FHIT: variants seen among roughly 807,000 people sequenced by gnomAD.
FHIT encodes the protein bis(5'-adenosyl)-triphosphatase.
Under a neutral mutation model 17.9 loss-of-function variants are expected in FHIT, and 19 were observed. The ratio of observed to expected loss-of-function variants is 1.06; its 90% CI spans 0.74 to 1.56. FHIT has a LOEUF of 1.56. FHIT is among the 40% of genes most tolerant of loss of function. The pLI is 0.00. For missense variants in FHIT, 248 were observed against 189.2 expected (o/e 1.31, Z -1.82); for synonymous variants, 81 against 69.7 (o/e 1.16, Z -0.81).
chr3:59,968,561 A>G (rs1708037332), intron 7 of FHIT, among the ~76,000 whole-genome samples: 1 of 152,156 alleles, frequency 6.6e-6, no homozygotes, highest in African/African-American at 2.4e-5. Flanking sequence ...AAAATCAGAT[A>G]CCAGCAGTTC....
chr3:61,216,510 T>A (rs369682190), intron 1 of FHIT, among the ~76,000 whole-genome samples: 8 of 151,934 alleles, frequency 5.3e-5, no homozygotes, highest in African/African-American at 1.9e-4. Flanking sequence ...GCTGGAAAGG[T>A]TGTGGAGAAA....
intron 5 of FHIT, among the ~76,000 whole-genome samples, chr3:60,328,109 T>A (rs562783420): frequency 6.6e-6 from 1 of 152,322 alleles, no homozygotes; most frequent in East Asian, 1.9e-4. Flanking sequence ...CTAGCCACCA[T>A]GCTTGTCAAT....
chr3:61,215,624 C>T (rs2039648984), intron 1 of FHIT, among the ~76,000 whole-genome samples: 1 of 152,146 alleles, frequency 6.6e-6, no homozygotes. Context: ...TGACTTTCTT[C>T]ACAGAATTGG....
In FHIT at chr3:60,011,418, C is replaced by G. The variant is rs370197096; in HGVS notation, c.250-18G>C. ...GGGCCATCCTAGAAGTAGGAAAAAA[C>G]CAACAGAGGTGAGAATAGATAGATG... On this transcript the variant is annotated intron_variant, in intron 6 of 9. Coordinates refer to ENST00000492590, the MANE Select transcript of FHIT (RefSeq NM_002012.4). 12 of 1,611,402 alleles carry G rather than the reference C, an allele frequency of 7.4e-6. No individual in the cohort carries two copies. Among genetic ancestry groups the G allele is most frequent in the Non-Finnish European group, 1.0e-5 (12 of 1,177,644 alleles).
intron 3 of FHIT, among the ~76,000 whole-genome samples, chr3:60,949,226 A>C (rs561025604): frequency 5.9e-5 from 9 of 152,154 alleles, no homozygotes; most frequent in Admixed American, 3.3e-4. Context: ...TACCACACCA[A>C]TGGTGGCAGG....
chr3:60,116,866 G>A (rs865865390), intron 5 of FHIT, among the ~76,000 whole-genome samples: 10 of 140,244 alleles, frequency 7.1e-5, no homozygotes, highest in Middle Eastern at 3.8e-3. Flanking sequence ...AAATTAAGGG[G>A]AGTAACAAAA....
intron 5 of FHIT, among the ~76,000 whole-genome samples, chr3:60,345,765 C>T (rs550353927): frequency 2.6e-5 from 4 of 152,216 alleles, no homozygotes; most frequent in Non-Finnish European, 5.9e-5. Context: ...TAAGACCTAC[C>T]ATTATTTTAT....
chr3:60,983,158 TG>T (rs1710567230), intron 3 of FHIT, among the ~76,000 whole-genome samples: 1 of 152,084 alleles, frequency 6.6e-6, no homozygotes, highest in African/African-American at 2.4e-5. Context: ...TGTGTGTGTG[TG>T]TGTGTAATGC....
At chr3:60,386,744 C>A (rs1701026010) in intron 5 of FHIT, among the ~76,000 whole-genome samples, 1 of 152,172 alleles carries the variant, frequency 6.6e-6, no homozygotes, top group South Asian at 2.1e-4. Context: ...ACAAAGAAAC[C>A]AACCTACACT....
At chr3:60,043,337 T>C (rs951792499) in intron 5 of FHIT, among the ~76,000 whole-genome samples, 12 of 152,260 alleles carry the variant, frequency 7.9e-5, no homozygotes, top group Admixed American at 5.9e-4. Context: ...TCTTCTTGCC[T>C]GGTTGGAGAT....
At chr3:61,211,136 G>A (rs1187324447) in intron 1 of FHIT, among the ~76,000 whole-genome samples, 1 of 151,878 alleles carries the variant, frequency 6.6e-6, no homozygotes, top group East Asian at 2.0e-4. Flanking sequence ...TCACTAGGGA[G>A]TGCCAGACAG....
chr3:60,764,431 T>C (rs1699777967), intron 4 of FHIT, among the ~76,000 whole-genome samples: 1 of 151,798 alleles, frequency 6.6e-6, no homozygotes, highest in Non-Finnish European at 1.5e-5. Context: ...GGTGGGGAGG[T>C]GGATGAACTG....
intron 4 of FHIT, among the ~76,000 whole-genome samples, chr3:60,660,729 C>CTTTTTGTTTTTTTTTTTTTTTTTTTTT (rs2040222572): frequency 2.7e-5 from 1 of 37,278 alleles, no homozygotes; most frequent in Non-Finnish European, 5.5e-5. Context: ...TTATTGTGCT[C>CTTTTTGTTTTTTTTTTTTTTTTTTTTT]TTTTTTTTTT....
intron 3 of FHIT, among the ~76,000 whole-genome samples, chr3:60,995,461 G>A (rs890955978): frequency 1.3e-5 from 2 of 152,160 alleles, no homozygotes; most frequent in African/African-American, 4.8e-5. Context: ...CAGTTGAGCT[G>A]CCAAAGATGA....
At chr3:60,378,217 G>A (rs1576566293) in intron 5 of FHIT, among the ~76,000 whole-genome samples, 1 of 151,884 alleles carries the variant, frequency 6.6e-6, no homozygotes, top group East Asian at 2.0e-4. Context: ...TAGTAGAGAC[G>A]GGGTTTCACC....
chr3:59,948,530 TAAAAAA>T lies in FHIT; in HGVS notation c.280-26122_280-26117del, dbSNP rs199516436. Reference sequence around the variant, plus strand: ...AGATTCTGTCTAAAAAAAATAAAAATAAAAAAAAATAAATAAATAAAAAATAAATAA... The same window carrying T: ...AGATTCTGTCTAAAAAAAATAAAAATAAATAAATAAATAAAAAATAAATAA... On this transcript the variant is annotated intron_variant, in intron 7 of 9. Coordinates refer to ENST00000492590, the MANE Select transcript of FHIT (RefSeq NM_002012.4). Among the ~76,000 whole-genome samples, 8 of 149,972 alleles carry T rather than the reference TAAAAAA, an allele frequency of 5.3e-5. No homozygotes were observed. The East Asian group carries it at 1.2e-3, about 22-fold the overall frequency.
chr3:61,009,091 C>T (rs917808954), intron 3 of FHIT, among the ~76,000 whole-genome samples: 22 of 152,130 alleles, frequency 1.4e-4, no homozygotes, highest in African/African-American at 4.8e-4. Context: ...TAGTATTTAA[C>T]ATATTTTATT....
intron 5 of FHIT, among the ~76,000 whole-genome samples, chr3:60,205,975 A>T (rs1300311753): frequency 6.6e-6 from 1 of 151,008 alleles, no homozygotes; most frequent in African/African-American, 2.4e-5. Context: ...AAATAAAAAA[A>T]TAAAAAAATT....
chr3:60,412,100 C>T (rs1309712513), intron 5 of FHIT, among the ~76,000 whole-genome samples: 1 of 151,954 alleles, frequency 6.6e-6, no homozygotes, highest in Non-Finnish European at 1.5e-5. Flanking sequence ...GTAAACAGGA[C>T]ATGGTGGCAC....
Sources: allele counts gnomAD v4.1 joint callset (sites outside exome capture counted in the v4.1 genomes callset), GRCh38; gene constraint gnomAD v4.1.1; transcripts MANE v1.5; gene names NCBI Gene and HGNC (gene_info 2026-07-23, HGNC 2026-07-21).